Variants in SLC25A48 observed in about 807,000 individuals in gnomAD.
SLC25A48 encodes CTC-321K16.1.
Under a neutral mutation model 32.2 loss-of-function variants are expected in SLC25A48, and 29 were observed. The ratio of observed to expected loss-of-function variants is 0.90; its 90% confidence interval spans 0.67 to 1.23. The LOEUF is 1.23. Among genes scored for constraint, SLC25A48 ranks in the 50% most tolerant of loss-of-function variants. The pLI is 0.00. For synonymous variants in SLC25A48, 164 were observed against 172.3 expected (o/e 0.95, Z 0.38); for missense variants, 399 against 422.7 (o/e 0.94, Z 0.49).
chr5:135,675,184 C>T (rs1753740294), intron 3 of SLC25A48, among the ~76,000 whole-genome samples: 1 of 151,870 alleles, frequency 6.6e-6, no homozygotes, highest in Non-Finnish European at 1.5e-5. Flanking sequence ...ATGTCCTTTG[C>T]CACTTTTTAA....
chr5:135,858,091 GTTGT>G (rs5871581), intron 4 of SLC25A48, among the ~76,000 whole-genome samples: 73,339 of 151,588 alleles, frequency 0.48, 19,778 homozygotes, highest in East Asian at 0.69. Flanking sequence ...GTGCCTTCAG[GTTGT>G]TTATTTGTCT....
intron 1 of SLC25A48, chr5:135,609,529 C>G (rs748066886): frequency 6.6e-6 from 1 of 152,256 alleles, no homozygotes; most frequent in Non-Finnish European, 1.5e-5. Flanking sequence ...GGAGAAGCCT[C>G]ATCTCCGAGG....
chr5:135,659,036 A>G (rs1474686511), intron 3 of SLC25A48, among the ~76,000 whole-genome samples: 1 of 152,370 alleles, frequency 6.6e-6, no homozygotes, highest in East Asian at 1.9e-4. Context: ...TGTCTTGGCT[A>G]TTAACATTCT....
chr5:135,768,183 G>A (rs1200561151), intron 3 of SLC25A48, among the ~76,000 whole-genome samples: 10 of 137,216 alleles, frequency 7.3e-5, no homozygotes, highest in South Asian at 2.4e-4. Context: ...GAGTAATATC[G>A]CAGTGGAGTG....
upstream of SLC25A48, among the ~76,000 whole-genome samples, chr5:135,832,661 C>T (rs1758248317): frequency 6.6e-6 from 1 of 152,162 alleles, no homozygotes; most frequent in Admixed American, 6.5e-5. Context: ...AGAGACTTTC[C>T]CCAAAGCAAG....
chr5:135,706,178 A>C (rs942522564), intron 3 of SLC25A48, among the ~76,000 whole-genome samples: 5 of 152,134 alleles, frequency 3.3e-5, no homozygotes, highest in Non-Finnish European at 4.4e-5. Context: ...ACTTCCTCCA[A>C]ACAGGGCCTG....
intron 3 of SLC25A48, among the ~76,000 whole-genome samples, chr5:135,801,740 G>T (rs1757331613): frequency 6.6e-6 from 1 of 151,582 alleles, no homozygotes; most frequent in Non-Finnish European, 1.5e-5. Context: ...ATATCACAGG[G>T]TGTGTGCACC....
intron 3 of SLC25A48, among the ~76,000 whole-genome samples, chr5:135,728,841 T>TACACACACACAC (rs33918902): frequency 0.011 from 1,521 of 141,608 alleles, 14 homozygotes; most frequent in East Asian, 0.043. Context: ...CATACACAAA[T>TACACACACACAC]ACACACACAC....
At chr5:135,867,213 T>C (rs1320791858) in intron 4 of SLC25A48, among the ~76,000 whole-genome samples, 3 of 152,214 alleles carry the variant, frequency 2.0e-5, no homozygotes, top group Non-Finnish European at 4.4e-5. Context: ...CGCATATGCA[T>C]GTACACCCTG....
chr5:135,583,181 C>CGTGTGT (rs369714430), intron 1 of SLC25A48, among the ~76,000 whole-genome samples: 1 of 149,886 alleles, frequency 6.7e-6, no homozygotes, highest in South Asian at 2.1e-4. Context: ...AGTGTGTGTG[C>CGTGTGT]GTGTGTGTGT....
intron 3 of SLC25A48, among the ~76,000 whole-genome samples, chr5:135,799,406 T>C (rs1167797724): frequency 6.6e-6 from 1 of 151,468 alleles, no homozygotes; most frequent in Non-Finnish European, 1.5e-5. Flanking sequence ...CGCCCCGTGA[T>C]ATTGTTTCTA....
At chr5:135,583,453 G>C (rs1036649851) in intron 1 of SLC25A48, among the ~76,000 whole-genome samples, 2 of 151,770 alleles carry the variant, frequency 1.3e-5, no homozygotes, top group African/African-American at 2.4e-5. Flanking sequence ...CATTCTTTTA[G>C]TTCTTTTCGT....
chr5:135,631,287 T>G (rs1237479095), intron 2 of SLC25A48, among the ~76,000 whole-genome samples: 4 of 152,210 alleles, frequency 2.6e-5, no homozygotes, highest in East Asian at 3.9e-4. Flanking sequence ...AAGTATTGAT[T>G]GGCTCTGCAT....
At chr5:135,726,779 C>T (rs1755100573) in intron 3 of SLC25A48, among the ~76,000 whole-genome samples, 1 of 152,212 alleles carries the variant, frequency 6.6e-6, no homozygotes, top group African/African-American at 2.4e-5. Flanking sequence ...TATAAATATT[C>T]ATGTACATAT....
chr5:135,801,063 C>T (rs1253891891), intron 3 of SLC25A48, among the ~76,000 whole-genome samples: 2 of 151,454 alleles, frequency 1.3e-5, no homozygotes, highest in African/African-American at 2.4e-5. Flanking sequence ...GACGATATTA[C>T]TCCCAATATC....
rs895557118 is a variant in SLC25A48 at position 135,719,531 on chromosome 5, T to C, written c.-521+84575T>C. Among the ~76,000 whole-genome samples, 19 of 152,064 alleles carry C rather than the reference T, an allele frequency of 1.2e-4. 2 individuals carry two copies. Among genetic ancestry groups the C allele is most frequent in the Admixed American group, 1.2e-3 (18 of 15,266 alleles). On this transcript the variant is annotated intron_variant, in intron 3 of 10. Coordinates refer to the SLC25A48 transcript ENST00000646290. ...GGGGGACACCAGGAGAGATGCTCCC[T>C]ACACCAGGGAGGGAAGGCACCCTCA...
intron 3 of SLC25A48, among the ~76,000 whole-genome samples, chr5:135,688,670 C>T (rs1222503786): frequency 6.6e-6 from 1 of 152,220 alleles, no homozygotes; most frequent in African/African-American, 2.4e-5. Context: ...ACATTCATCC[C>T]ATGCAATGGG....
intron 3 of SLC25A48, among the ~76,000 whole-genome samples, chr5:135,763,797 GAGAC>G (rs1197576190): frequency 1.6e-5 from 2 of 128,404 alleles, no homozygotes; most frequent in Non-Finnish European, 3.4e-5. Flanking sequence ...ACACGAGAGA[GAGAC>G]AGAGAAAACC....
chr5:135,854,785 G>C (rs1580998271), intron 4 of SLC25A48, among the ~76,000 whole-genome samples: 1 of 152,122 alleles, frequency 6.6e-6, no homozygotes, highest in Non-Finnish European at 1.5e-5. Context: ...TCACAACCTG[G>C]CTAACTCTTG....
Sources: allele counts gnomAD v4.1 joint callset (sites outside exome capture counted in the v4.1 genomes callset), GRCh38; gene constraint gnomAD v4.1.1; transcripts MANE v1.5; gene names NCBI Gene and HGNC (gene_info 2026-07-23, HGNC 2026-07-21).